TRHDE: variants seen among roughly 807,000 people sequenced by gnomAD.
TRHDE encodes the protein thyrotropin-releasing hormone-degrading ectoenzyme.
In TRHDE, 72 loss-of-function variants were observed where a neutral mutation model predicts 125.7. The observed-to-expected ratio is 0.57, with a 90% CI of 0.47 to 0.70. TRHDE has a LOEUF of 0.70. TRHDE is among the 30% of genes least tolerant of loss of function. The pLI, the probability that TRHDE is intolerant of heterozygous loss-of-function variation, is 0.00. For synonymous variants in TRHDE, 509 were observed against 509.1 expected, an observed-to-expected ratio of 1.00 and a Z score of 0.00; for missense variants, 1,110 against 1,327.1, an observed-to-expected ratio of 0.84 and a Z score of 2.54.
At chr12:72,238,318 A>G (rs1420257794) in intron 2 of TRHDE, among the ~76,000 whole-genome samples, 1 of 32,124 alleles carries the variant, frequency 3.1e-5, no homozygotes, top group East Asian at 5.5e-4. Context: ...ATATATATAT[A>G]TATACATATA....
At chr12:72,149,429 G>A (rs891308366) in intron 2 of TRHDE, among the ~76,000 whole-genome samples, 3 of 152,098 alleles carry the variant, frequency 2.0e-5, no homozygotes, top group Non-Finnish European at 4.4e-5. Flanking sequence ...GCTTAATTAT[G>A]AAGCCAATAT....
At chr12:72,096,298 T>A (rs1874920515) in intron 1 of TRHDE, among the ~76,000 whole-genome samples, 1 of 152,150 alleles carries the variant, frequency 6.6e-6, no homozygotes. Flanking sequence ...TGGGTAATCA[T>A]GTGCTATTAT....
At chr12:72,283,493 T>C (rs148808131) in intron 1 of TRHDE, among the ~76,000 whole-genome samples, 2 of 152,156 alleles carry the variant, frequency 1.3e-5, no homozygotes, top group East Asian at 3.8e-4. Flanking sequence ...GAATATATGG[T>C]GGCCCTCTGT....
At chr12:72,093,769 T>G (rs1459431592) in intron 1 of TRHDE, among the ~76,000 whole-genome samples, 1 of 152,252 alleles carries the variant, frequency 6.6e-6, no homozygotes, top group African/African-American at 2.4e-5. Context: ...CTCTTGCGTC[T>G]TGTTGAGCTT....
intron 8 of TRHDE, 81 bp downstream of exon 8, chr12:72,562,311 G>A (rs1870216633): frequency 3.0e-6 from 2 of 668,682 alleles, no homozygotes; most frequent in Non-Finnish European, 5.2e-6. Context: ...AGCCTTTATT[G>A]ACACCTGATA....
intron 2 of TRHDE, among the ~76,000 whole-genome samples, chr12:72,165,774 A>G (rs1220896169): frequency 6.6e-6 from 1 of 151,710 alleles, no homozygotes; most frequent in Non-Finnish European, 1.5e-5. Flanking sequence ...TCCTGGGTTC[A>G]CACCATTCTC....
chr12:72,095,265 G>A (rs1029741337), intron 1 of TRHDE, among the ~76,000 whole-genome samples: 2 of 152,216 alleles, frequency 1.3e-5, no homozygotes, highest in African/African-American at 4.8e-5. Context: ...ATTCTCAGCA[G>A]CACATGTCCT....
chr12:72,223,388 G>A (rs1878038850), intron 2 of TRHDE, among the ~76,000 whole-genome samples: 1 of 151,994 alleles, frequency 6.6e-6, no homozygotes, highest in Admixed American at 6.6e-5. Context: ...CTGATACTGT[G>A]ACTGGTAAAG....
intron 1 of TRHDE, among the ~76,000 whole-genome samples, chr12:72,088,818 C>T (rs544514003): frequency 2.0e-5 from 3 of 151,718 alleles, no homozygotes; most frequent in Non-Finnish European, 4.4e-5. Context: ...TTCTTCTTTT[C>T]TCTCCTCCCC....
At chr12:72,229,343 C>T (rs1878202362) in intron 2 of TRHDE, among the ~76,000 whole-genome samples, 1 of 152,126 alleles carries the variant, frequency 6.6e-6, no homozygotes. Flanking sequence ...CTTTTTAAAA[C>T]CATCAGATCT....
intron 2 of TRHDE, among the ~76,000 whole-genome samples, chr12:72,184,622 T>C (rs1383202811): frequency 1.3e-5 from 2 of 152,110 alleles, no homozygotes; most frequent in African/African-American, 2.4e-5. Context: ...TATTTTTCTG[T>C]CTTCTTTCCT....
At chr12:72,377,304 C>CTTTTTTTTTTTTTTTTTTT (rs200021223) in intron 2 of TRHDE, among the ~76,000 whole-genome samples, 1 of 130,410 alleles carries the variant, frequency 7.7e-6, no homozygotes, top group African/African-American at 2.8e-5. Context: ...TTGCTTTAGG[C>CTTTTTTTTTTTTTTTTTTT]TTTTTTTTTT....
chr12:72,488,475 A>C (rs770070108), intron 5 of TRHDE, among the ~76,000 whole-genome samples: 1 of 152,100 alleles, frequency 6.6e-6, no homozygotes, highest in Non-Finnish European at 1.5e-5. Flanking sequence ...GTAAATGTGT[A>C]TGCACCCAAC....
At chr12:72,603,641 C>T (rs1049720364) in intron 12 of TRHDE, among the ~76,000 whole-genome samples, 9 of 152,004 alleles carry the variant, frequency 5.9e-5, no homozygotes, top group African/African-American at 1.5e-4. Context: ...AGGAGAACGG[C>T]GAGAAACGGG....
upstream of TRHDE, among the ~76,000 whole-genome samples, chr12:72,271,239 A>G (rs1879195826): frequency 6.6e-6 from 1 of 152,250 alleles, no homozygotes; most frequent in South Asian, 2.1e-4. Flanking sequence ...ACACCTGGAC[A>G]CATCGCACAG....
chr12:72,477,813 T>G (rs532719108), intron 5 of TRHDE, among the ~76,000 whole-genome samples: 1 of 152,326 alleles, frequency 6.6e-6, no homozygotes, highest in African/African-American at 2.4e-5. Flanking sequence ...GGTCAAGTCA[T>G]ATCCTCTGTG....
At chr12:72,253,274 G>A (rs1878725926) in intron 2 of TRHDE, among the ~76,000 whole-genome samples, 1 of 151,814 alleles carries the variant, frequency 6.6e-6, no homozygotes, top group African/African-American at 2.4e-5. Context: ...ATAATCCATG[G>A]GTTTACTAAA....
At chr12:72,089,052 A>G (rs1056640994) in intron 1 of TRHDE, among the ~76,000 whole-genome samples, 1 of 152,052 alleles carries the variant, frequency 6.6e-6, no homozygotes, top group Non-Finnish European at 1.5e-5. Context: ...TCCTTTACCC[A>G]TTGCCTTCCC....
chr12:72,631,025 CTT>C (rs993456410), intron 15 of TRHDE, among the ~76,000 whole-genome samples: 15 of 150,396 alleles, frequency 1.0e-4, no homozygotes, highest in South Asian at 8.3e-4. Context: ...AATAAAGTGA[CTT>C]ATATTTAATT....
Sources: allele counts gnomAD v4.1 joint callset (sites outside exome capture counted in the v4.1 genomes callset), GRCh38; gene constraint gnomAD v4.1.1; transcripts MANE v1.5; gene names NCBI Gene and HGNC (gene_info 2026-07-23, HGNC 2026-07-21).